KLKB1: variants seen among roughly 807,000 people sequenced by gnomAD.
The protein encoded by KLKB1 is kallikrein B1.
KLKB1 carries 58 observed loss-of-function variants against 73.6 expected under a neutral mutation model. The ratio of observed to expected loss-of-function variants is 0.79; its 90% CI spans 0.64 to 0.98. KLKB1 has a LOEUF of 0.98. KLKB1 is among the 50% of genes least tolerant of loss of function. The probability of loss-of-function intolerance (pLI) is 0.00; values close to 1 mark genes in which losing one functional copy is unlikely to be tolerated. For missense variants in KLKB1, 737 were observed against 763.8 expected, an observed-to-expected ratio of 0.96 and a Z score of 0.41; for synonymous variants, 280 against 258.1, an observed-to-expected ratio of 1.08 and a Z score of -0.81.
At chr4:186,210,857 C>A in intron 2 of KLKB1, 1 of 533,828 alleles carries the variant, frequency 1.9e-6, no homozygotes, top group Non-Finnish European at 3.2e-6. Flanking sequence ...TTTTTGAAAC[C>A]GTGTCTCACT....
upstream of KLKB1, among the ~76,000 whole-genome samples, chr4:186,223,719 C>G (rs1171492694): frequency 1.3e-5 from 2 of 152,112 alleles, no homozygotes; most frequent in Non-Finnish European, 2.9e-5. Context: ...AAAAGGGAAG[C>G]AAAGCATAAA....
At chr4:186,235,971 G>GGGCGT (rs1439496885) in intron 4 of KLKB1, among the ~76,000 whole-genome samples, 5 of 151,474 alleles carry the variant, frequency 3.3e-5, no homozygotes, top group African/African-American at 1.2e-4. Flanking sequence ...AAAATTAGCC[G>GGGCGT]GGCGTGGTGG....
chr4:186,250,458 C>A, intron 7 of KLKB1, 56 bp downstream of exon 7: 1 of 1,572,240 alleles, frequency 6.4e-7, no homozygotes, highest in Admixed American at 1.7e-5. Flanking sequence ...GGAGCACTTG[C>A]TGCTGTACTT....
At chr4:186,247,163 G>C (rs1489749170) in intron 6 of KLKB1, among the ~76,000 whole-genome samples, 2 of 152,152 alleles carry the variant, frequency 1.3e-5, no homozygotes, top group African/African-American at 2.4e-5. Context: ...AGAGCAGGGG[G>C]ACAGGGGATT....
chr4:186,226,699 G>A (rs1022151045), upstream of KLKB1, among the ~76,000 whole-genome samples: 8 of 152,180 alleles, frequency 5.3e-5, no homozygotes, highest in Admixed American at 3.3e-4. Flanking sequence ...GCTGTCCTGG[G>A]AACAAGGTCC....
intron 12 of KLKB1, 132 bp downstream of exon 12, chr4:186,254,895 G>GGAT: frequency 1.3e-6 from 1 of 763,270 alleles, no homozygotes; most frequent in Non-Finnish European, 2.1e-6. Context: ...GAAACGTGAG[G>GGAT]GTTGCTGGGA....
intron 6 of KLKB1, among the ~76,000 whole-genome samples, chr4:186,242,774 G>A (rs1216496771): frequency 1.3e-5 from 2 of 152,116 alleles, no homozygotes; most frequent in Non-Finnish European, 2.9e-5. Flanking sequence ...TCCTTTTTAA[G>A]TTGGAGGCTG....
chr4:186,250,176 A>G (rs953019169), intron 6 of KLKB1, 67 bp from the exon 7 acceptor site: 3 of 1,431,782 alleles, frequency 2.1e-6, no homozygotes, highest in Non-Finnish European at 3.0e-6. Context: ...AACTATGGTG[A>G]CAAAATACAA....
upstream of KLKB1, among the ~76,000 whole-genome samples, chr4:186,226,128 C>T (rs1408031236): frequency 2.0e-5 from 3 of 151,906 alleles, no homozygotes; most frequent in African/African-American, 7.3e-5. Flanking sequence ...TGGTTCCTAT[C>T]TATCTTTTTG....
intron 12 of KLKB1, among the ~76,000 whole-genome samples, chr4:186,255,285 G>C (rs535164464): frequency 6.6e-6 from 1 of 152,300 alleles, no homozygotes; most frequent in South Asian, 2.1e-4. Flanking sequence ...TCATGGTCAG[G>C]AATGGTGGCT....
intron 2 of KLKB1, chr4:186,213,370 T>C (rs887017962): frequency 6.6e-6 from 1 of 152,230 alleles, no homozygotes; most frequent in Admixed American, 6.5e-5. Context: ...TTCTAAGAAT[T>C]GATATCAATT....
At chr4:186,251,405 T>A in intron 8 of KLKB1, 77 bp downstream of exon 8, 1 of 1,521,318 alleles carries the variant, frequency 6.6e-7, no homozygotes, top group Non-Finnish European at 9.1e-7. Context: ...GATGAAACAA[T>A]CCTCAAGGTA....
chr4:186,256,293 G>C (rs1426987012), intron 13 of KLKB1, among the ~76,000 whole-genome samples: 2 of 152,022 alleles, frequency 1.3e-5, no homozygotes, highest in Admixed American at 1.3e-4. Context: ...AGACTTTTAA[G>C]CATCTTACTT....
chr4:186,234,655 T>C (rs4253342), intron 4 of KLKB1, among the ~76,000 whole-genome samples: 3,709 of 152,302 alleles, frequency 0.024, 157 homozygotes, highest in African/African-American at 0.086. Context: ...TAGGCCCAAA[T>C]TGAAGAACTG....
chr4:186,257,674 A>T (rs1434892594), intron 14 of KLKB1, among the ~76,000 whole-genome samples: 2 of 151,962 alleles, frequency 1.3e-5, no homozygotes, highest in African/African-American at 2.4e-5. Flanking sequence ...TGTTAGATTT[A>T]TTTCAGATAG....
chr4:186,247,989 T>C (rs934099102), intron 6 of KLKB1, among the ~76,000 whole-genome samples: 1 of 152,192 alleles, frequency 6.6e-6, no homozygotes, highest in Non-Finnish European at 1.5e-5. Flanking sequence ...GGCTCACGCC[T>C]GTAATCCCAG....
chr4:186,214,975 G>C (rs1276756636), intron 2 of KLKB1, among the ~76,000 whole-genome samples: 3 of 152,072 alleles, frequency 2.0e-5, no homozygotes, highest in Admixed American at 6.6e-5. Flanking sequence ...TCTTTCTGTT[G>C]TGGTTTGCAT....
At chr4:186,251,385 C>T (rs911857573) in intron 8 of KLKB1, 57 bp downstream of exon 8, 1 of 1,505,772 alleles carries the variant, frequency 6.6e-7, no homozygotes, top group Admixed American at 1.7e-5. Flanking sequence ...TGACTTTTAA[C>T]AGCAACAGTG....
rs201759345 is a variant in KLKB1 at position 186,254,643 on chromosome 4, A to G, written c.1369A>G (p.Ile457Val). The G allele has an allele frequency of 2.5e-6, 4 of 1,613,916 alleles. No homozygotes were observed. Among genetic ancestry groups the G allele is most frequent in the South Asian group, 1.1e-5 (1 of 91,074 alleles). Residue 457 changes from isoleucine to valine, a missense_variant, in exon 12 of 15, where the codon ATT becomes GTT. Physicochemically the swap from Ile to Val is conservative, Grantham distance 29. Transcript: ENST00000264690. ...TAGTGGCATTTTAAATCTGTCAGAC[A>G]TTACAAAAGATACACCTTTCTCACA... The part of the protein sequence containing the change: ...IYSGILNLSD[I>V]TKDTPFSQIK...
Sources: gnomAD v4.1 joint callset for allele counts (sites outside exome capture counted in the v4.1 genomes callset) on GRCh38, gnomAD v4.1.1 for gene constraint, MANE v1.5 for transcripts, NCBI Gene and HGNC (gene_info 2026-07-23, HGNC 2026-07-21) for gene names.